Variants in BMP2K observed in about 807,000 individuals in gnomAD.
BMP2K encodes the protein BMP-2-inducible protein kinase.
A neutral mutation model predicts 116.0 loss-of-function variants in BMP2K; 74 were observed. The observed-to-expected ratio is 0.64, with a 90% CI of 0.53 to 0.77. The LOEUF (loss-of-function observed/expected upper bound fraction) is 0.77. Ranked by LOEUF, BMP2K falls within the 30% of genes least tolerant of loss-of-function variation. The pLI is 0.00. For synonymous variants in BMP2K, 486 were observed against 502.5 expected, an observed-to-expected ratio of 0.97 and a Z score of 0.44; for missense variants, 1,365 against 1,403.6, an observed-to-expected ratio of 0.97 and a Z score of 0.44.
chr4:78,833,109 T>G (rs1730286680), intron 2 of BMP2K, among the ~76,000 whole-genome samples: 1 of 152,078 alleles, frequency 6.6e-6, no homozygotes, highest in South Asian at 2.1e-4. Context: ...TTTAGCCACT[T>G]GTTCATTTTT....
At chr4:78,803,822 G>A (rs1015399438) in intron 1 of BMP2K, among the ~76,000 whole-genome samples, 2 of 152,096 alleles carry the variant, frequency 1.3e-5, no homozygotes, top group Admixed American at 1.3e-4. Flanking sequence ...AATATATGAT[G>A]ATCCTTCATG....
At position 78,806,161 on chromosome 4, in the gene BMP2K, T is replaced by C. The variant is rs189195127; in HGVS notation, c.179-19876T>C. 2.7e-4 allele frequency among the ~76,000 whole-genome samples: 29 copies of C among 105,760 alleles called. No individual in the cohort carries two copies. In the East Asian group the frequency reaches 8.3e-3, roughly 30 times the overall value. The allele number at this position is 105,760 out of a possible 152,430, so 69.4% of individuals were successfully genotyped here. ...GGGGGTGTGTGTGTGTGTATTCTTA[T>C]AGGTTTTCCTATGTATATATTTAAA... On this transcript the variant is annotated intron_variant, in intron 1 of 15. Transcript: ENST00000502613.
chr4:78,859,530 G>C, intron 7 of BMP2K, 54 bp from the exon 8 acceptor site: 1 of 1,156,002 alleles, frequency 8.7e-7, no homozygotes, highest in East Asian at 2.4e-5. Context: ...GTGCCCCTAA[G>C]TAGTATAATG....
intron 3 of BMP2K, among the ~76,000 whole-genome samples, chr4:78,833,966 A>G (rs1233199948): frequency 1.3e-5 from 2 of 152,236 alleles, no homozygotes; most frequent in African/African-American, 2.4e-5. Flanking sequence ...CTTGCTCTCC[A>G]TAGAATTCTT....
intron 14 of BMP2K, among the ~76,000 whole-genome samples, chr4:78,880,215 G>A (rs1419750090): frequency 2.6e-5 from 4 of 152,190 alleles, no homozygotes; most frequent in African/African-American, 9.7e-5. Flanking sequence ...TGGGATTACA[G>A]GCATGTGCCA....
At chr4:78,816,512 A>G (rs1729359162) in intron 1 of BMP2K, among the ~76,000 whole-genome samples, 1 of 152,152 alleles carries the variant, frequency 6.6e-6, no homozygotes, top group Non-Finnish European at 1.5e-5. Context: ...GGAATGAGTA[A>G]TTGGGCAAGA....
chr4:78,847,388 C>T, intron 6 of BMP2K, 119 bp downstream of exon 6: 3 of 484,524 alleles, frequency 6.2e-6, no homozygotes, highest in Non-Finnish European at 1.0e-5. Context: ...GAGTGATGTA[C>T]AGTAGAGCTT....
At chr4:78,814,453 T>C (rs530640206) in intron 1 of BMP2K, among the ~76,000 whole-genome samples, 3 of 152,326 alleles carry the variant, frequency 2.0e-5, no homozygotes, top group African/African-American at 7.2e-5. Flanking sequence ...CCACATGTCA[T>C]GGGAGGGACC....
intron 12 of BMP2K, among the ~76,000 whole-genome samples, 168 bp downstream of exon 12, chr4:78,872,116 A>T (rs1732387147): frequency 6.6e-6 from 1 of 152,174 alleles, no homozygotes; most frequent in East Asian, 1.9e-4. Context: ...AATTGCACTG[A>T]ACTATGGCAC....
At chr4:78,853,944 G>A (rs2110036911) in intron 7 of BMP2K, among the ~76,000 whole-genome samples, 1 of 152,188 alleles carries the variant, frequency 6.6e-6, no homozygotes, top group East Asian at 1.9e-4. Context: ...ATAGGGGCAG[G>A]ACATGCTGTC....
chr4:78,892,768 G>T (rs978363785), intron 15 of BMP2K, among the ~76,000 whole-genome samples: 1 of 152,228 alleles, frequency 6.6e-6, no homozygotes, highest in Non-Finnish European at 1.5e-5. Flanking sequence ...GCTGTAATCT[G>T]TTAAGTATGC....
chr4:78,909,137 C>A (rs1734441836), intron 15 of BMP2K, among the ~76,000 whole-genome samples: 1 of 145,672 alleles, frequency 6.9e-6, no homozygotes, highest in Admixed American at 7.0e-5. Flanking sequence ...TGGCTCACTG[C>A]AACCTCTGTC....
At chr4:78,851,139 G>A in intron 7 of BMP2K, 83 bp downstream of exon 7, 1 of 1,271,836 alleles carries the variant, frequency 7.9e-7, no homozygotes, top group Non-Finnish European at 1.0e-6. Flanking sequence ...CTTAAATCTA[G>A]TCTTAATTTC....
At chr4:78,803,873 A>G (rs1181415515) in intron 1 of BMP2K, among the ~76,000 whole-genome samples, 1 of 152,186 alleles carries the variant, frequency 6.6e-6, no homozygotes. Flanking sequence ...CTCATCTCCC[A>G]TAACTTCATA....
At chr4:78,878,324 TAA>T (rs1212532024) in intron 13 of BMP2K, among the ~76,000 whole-genome samples, 2 of 152,200 alleles carry the variant, frequency 1.3e-5, no homozygotes, top group Non-Finnish European at 2.9e-5. Context: ...TTTTTTACTT[TAA>T]GTCTTGTTTA....
chr4:78,856,402 C>T (rs886774535), intron 7 of BMP2K, among the ~76,000 whole-genome samples: 11 of 152,058 alleles, frequency 7.2e-5, no homozygotes, highest in Non-Finnish European at 1.2e-4. Context: ...CCTCTGCGCA[C>T]TCTAGATTAC....
In BMP2K at chr4:78,834,386, C is replaced by T. The variant is rs372441031; in HGVS notation, c.403+699C>T. ...ATGCCATTCTCCTGCCTCAGCCTCC[C>T]GAGTAGCTGGGACTACAGGTGCCCG... On this transcript the variant is annotated intron_variant, in intron 3 of 15. Coordinates refer to ENST00000502613, the MANE Select transcript of BMP2K (RefSeq NM_198892.2). 5.4e-4 allele frequency among the ~76,000 whole-genome samples: 82 copies of T among 150,644 alleles called. 2 individuals carry two copies. The East Asian group carries it at 9.0e-3, about 17-fold the overall frequency.
intron 3 of BMP2K, among the ~76,000 whole-genome samples, chr4:78,836,780 T>G (rs1730501630): frequency 6.6e-6 from 1 of 152,236 alleles, no homozygotes; most frequent in African/African-American, 2.4e-5. Context: ...AGGTTGGAAA[T>G]AATTTTGATC....
chr4:78,872,303 C>CTTTTTTTTTTTTTTTTTTTT (rs34599936), intron 12 of BMP2K: 6 of 92,280 alleles, frequency 6.5e-5, no homozygotes, highest in African/African-American at 2.1e-4. Context: ...ATAATTTGAC[C>CTTTTTTTTTTTTTTTTTTTT]TTTTTTTTTT....
Sources: allele counts gnomAD v4.1 joint callset (sites outside exome capture counted in the v4.1 genomes callset), GRCh38; gene constraint gnomAD v4.1.1; transcripts MANE v1.5; gene names NCBI Gene and HGNC (gene_info 2026-07-23, HGNC 2026-07-21).